Variants in SRD5A1 observed in about 807,000 individuals in gnomAD.
The protein encoded by SRD5A1 is 3-oxo-5-alpha-steroid 4-dehydrogenase 1.
SRD5A1 carries 22 observed loss-of-function variants against 28.2 expected under a neutral mutation model. That is an observed-to-expected ratio of 0.78 (90% CI 0.56 to 1.12). SRD5A1 has a LOEUF of 1.12. SRD5A1 is among the 50% of genes most tolerant of loss of function. SRD5A1 has a pLI of 0.00. For synonymous variants in SRD5A1, 151 were observed against 135.0 expected (o/e 1.12, Z -0.82); for missense variants, 300 against 346.7 (o/e 0.87, Z 1.07).
In SRD5A1 at chr5:6,669,081, T is replaced by C. The variant is rs1739282397; in HGVS notation, c.*813T>C. On this transcript the variant is annotated 3_prime_UTR_variant, in exon 5 of 5. Coordinates refer to ENST00000274192, the MANE Select transcript of SRD5A1 (RefSeq NM_001047.4). ...TCTTCTAGTCTAGACCTAGTTTTTT[T>C]GTTCTGTTCCCCACGTATGGATATA... The C allele has an allele frequency of 6.6e-6, 1 of 152,256 alleles. No individual in the cohort carries two copies. The highest frequency in any genetic ancestry group is 1.5e-5 in the Non-Finnish European group (1 of 68,044). 9.4% of individuals were successfully genotyped at this position (152,256 alleles called of 1,614,324 possible). A position where few individuals can be genotyped will look rare whatever the true frequency, so the allele number is the denominator to read the frequency against.
intron 1 of SRD5A1, among the ~76,000 whole-genome samples, chr5:6,650,631 G>A (rs373034541): frequency 4.0e-5 from 6 of 151,228 alleles, no homozygotes; most frequent in East Asian, 1.9e-4. Flanking sequence ...ACAACAGAAC[G>A]TGATCTTTCT....
At chr5:6,649,666 G>T (rs1181948761) in intron 1 of SRD5A1, among the ~76,000 whole-genome samples, 2 of 152,198 alleles carry the variant, frequency 1.3e-5, no homozygotes, top group African/African-American at 4.8e-5. Flanking sequence ...GTCTCTCATG[G>T]CTTCCCTTGG....
intron 3 of SRD5A1, among the ~76,000 whole-genome samples, chr5:6,657,320 T>G (rs746193073): frequency 1.8e-4 from 27 of 152,216 alleles, no homozygotes; most frequent in Non-Finnish European, 3.2e-4. Flanking sequence ...GATCACCTAT[T>G]CAGCCCCTGG....
At chr5:6,637,640 A>G (rs1738231747) in intron 1 of SRD5A1, among the ~76,000 whole-genome samples, 1 of 152,214 alleles carries the variant, frequency 6.6e-6, no homozygotes, top group South Asian at 2.1e-4. Context: ...TTGTCTCTGC[A>G]TTGCACATTC....
At chr5:6,666,359 A>G (rs1250515222) in intron 4 of SRD5A1, among the ~76,000 whole-genome samples, 5 of 152,194 alleles carry the variant, frequency 3.3e-5, no homozygotes, top group Admixed American at 6.5e-5. Flanking sequence ...CGTGTCAGCC[A>G]GGATGGTCTT....
At chr5:6,654,557 A>G (rs552032133) in intron 2 of SRD5A1, among the ~76,000 whole-genome samples, 1 of 152,154 alleles carries the variant, frequency 6.6e-6, no homozygotes, top group African/African-American at 2.4e-5. Context: ...CCTCAACCTC[A>G]GAGTAGCTGG....
At chr5:6,650,754 C>T (rs1214828768) in intron 1 of SRD5A1, among the ~76,000 whole-genome samples, 1 of 151,068 alleles carries the variant, frequency 6.6e-6, no homozygotes, top group South Asian at 2.1e-4. Context: ...AACTCGTCAT[C>T]TAGCATTAGG....
At chr5:6,652,061 T>G (rs1738694289) in intron 2 of SRD5A1, 53 bp downstream of exon 2, 1 of 1,544,240 alleles carries the variant, frequency 6.5e-7, no homozygotes, top group Non-Finnish European at 8.8e-7. Flanking sequence ...GCTTTTATAT[T>G]GATGTCCCAG....
At chr5:6,668,116 G>A (rs1262881934) in intron 4 of SRD5A1, 86 bp from the exon 5 acceptor site, 1 of 862,970 alleles carries the variant, frequency 1.2e-6, no homozygotes, top group Non-Finnish European at 1.8e-6. Flanking sequence ...GTACTCTTTT[G>A]TAATGAAAAA....
At chr5:6,662,751 G>A in intron 3 of SRD5A1, 65 bp from the exon 4 acceptor site, 1 of 1,542,640 alleles carries the variant, frequency 6.5e-7, no homozygotes, top group Non-Finnish European at 8.9e-7. Flanking sequence ...GTATTCACTA[G>A]CATCTCTGAA....
chr5:6,665,242 C>G (rs1045160381), intron 4 of SRD5A1, among the ~76,000 whole-genome samples: 2 of 152,196 alleles, frequency 1.3e-5, no homozygotes, highest in African/African-American at 4.8e-5. Flanking sequence ...CTTCCCTGAA[C>G]CTTCAGAGGG....
chr5:6,647,657 G>A (rs1560997341), intron 1 of SRD5A1, among the ~76,000 whole-genome samples: 1 of 152,140 alleles, frequency 6.6e-6, no homozygotes. Flanking sequence ...GAGCCTATGT[G>A]TGTCTTTGCA....
In SRD5A1 at chr5:6,638,884, C is replaced by T. The variant is rs140686490; in HGVS notation, c.293+5015C>T. Reference sequence around the variant, plus strand: ...AGTGCCATAGATTTCAATGGTCTCACGTTGTTAGGGGAAAAAAGCAATAAA... The same window carrying T: ...AGTGCCATAGATTTCAATGGTCTCATGTTGTTAGGGGAAAAAAGCAATAAA... On this transcript the variant is annotated intron_variant, in intron 1 of 4. Coordinates refer to ENST00000274192, the MANE Select transcript of SRD5A1 (RefSeq NM_001047.4). 7.6e-4 allele frequency among the ~76,000 whole-genome samples: 115 copies of T among 152,274 alleles called. 1 individual carries two copies. Among genetic ancestry groups the T allele is most frequent in the African/African-American group, 2.7e-3 (112 of 41,558 alleles).
Position 6,656,171 on chromosome 5 carries a change from T to C in SRD5A1, c.554T>C (p.Ile185Thr). 6.2e-7 allele frequency: 1 copy of C among 1,612,322 alleles called. No individual in the cohort carries two copies. The highest frequency in any genetic ancestry group is 8.5e-7 in the Non-Finnish European group (1 of 1,178,410). The change falls in exon 3 of 5, where the codon ATA (isoleucine) becomes ACA (threonine). Residue 185 changes from isoleucine (I) to threonine (T), a missense_variant. Around this residue, in one of 2 missense-constraint regions of SRD5A1, gnomAD observed 126 missense variants for 185.7 expected, o/e 0.68. Coordinates refer to ENST00000274192, the MANE Select transcript of SRD5A1 (RefSeq NM_001047.4). ...AAACCAGGAGATACTGGATACAAAA[T>C]ACCAAGGGGTACGTACAGAAAGTGA... is the stretch of plus-strand genomic sequence containing the variant. ...LRKPGDTGYK[I>T]PRGGLFEYVT...
chr5:6,673,346 T>A lies in SRD5A1; in HGVS notation c.*5078T>A, dbSNP rs1307651032. 6.6e-6 allele frequency: 1 copy of A among 152,190 alleles called. No individual in the cohort carries two copies. The highest frequency in any genetic ancestry group is 6.5e-5 in the Admixed American group (1 of 15,284). The allele number at this position is 152,190 out of a possible 1,614,324, so 9.4% of individuals were successfully genotyped here. A position where few individuals can be genotyped will look rare whatever the true frequency, so the allele number is the denominator to read the frequency against. ...CAAGCATATGATAACATGCTCAGCATCATATGACATTAGGGGATTGCAAAT... is the reference window on the plus strand; with the variant it reads ...CAAGCATATGATAACATGCTCAGCAACATATGACATTAGGGGATTGCAAAT... On this transcript the variant is annotated 3_prime_UTR_variant, in exon 5 of 5. Coordinates refer to ENST00000274192, the MANE Select transcript of SRD5A1 (RefSeq NM_001047.4).
At chr5:6,660,451 C>T (rs1021721730) in intron 3 of SRD5A1, among the ~76,000 whole-genome samples, 1 of 152,220 alleles carries the variant, frequency 6.6e-6, no homozygotes, top group African/African-American at 2.4e-5. Context: ...GGTCCTTCCA[C>T]GTCTGGGATT....
chr5:6,663,116 G>A, intron 4 of SRD5A1, 150 bp downstream of exon 4: 1 of 942,606 alleles, frequency 1.1e-6, no homozygotes, highest in Non-Finnish European at 1.6e-6. Context: ...CCAAATAGCT[G>A]TAGAATCACC....
Position 6,662,896 on chromosome 5 carries a change from T to C in SRD5A1, c.643T>C (p.Ser215Pro). Residue 215 changes from serine to proline, a missense_variant, in exon 4 of 5, where the codon TCT becomes CCT. Physicochemically the swap from Ser to Pro is moderately conservative, Grantham distance 74. Coordinates refer to ENST00000274192, the MANE Select transcript of SRD5A1 (RefSeq NM_001047.4). ...EWCGYALASW[S>P]VQGAAFAFFT... is the part of the protein sequence containing the mutation. ...GTGTGGCTATGCCCTGGCCAGCTGG[T>C]CTGTCCAAGGCGCGGCTTTTGCTTT... is the stretch of plus-strand genomic sequence containing the variant. 6.2e-7 allele frequency: 1 copy of C among 1,613,792 alleles called. No homozygotes were observed. Among genetic ancestry groups the C allele is most frequent in the South Asian group, 1.1e-5 (1 of 91,066 alleles).
At chr5:6,659,215 G>A (rs989604428) in intron 3 of SRD5A1, among the ~76,000 whole-genome samples, 1 of 151,470 alleles carries the variant, frequency 6.6e-6, no homozygotes, top group African/African-American at 2.4e-5. Flanking sequence ...TCGGGTTCAC[G>A]CCATTCTCTT....
Sources: gnomAD v4.1 joint callset for allele counts (sites outside exome capture counted in the v4.1 genomes callset) on GRCh38, gnomAD v4.1.1 for gene constraint, gnomAD v4.1.1 regional missense constraint, MANE v1.5 for transcripts, NCBI Gene and HGNC (gene_info 2026-07-23, HGNC 2026-07-21) for gene names.